TAFA1: variants seen among roughly 807,000 people sequenced by gnomAD.
TAFA1 encodes the protein TAFA chemokine like family member 1, also known as chemokine-like protein TAFA-1.
TAFA1 carries 4 observed loss-of-function variants against 18.5 expected under a neutral mutation model. The observed-to-expected ratio is 0.22, with a 90% confidence interval of 0.11 to 0.49. The LOEUF is 0.49. Ranked by LOEUF, TAFA1 falls within the 20% of genes least tolerant of loss-of-function variation. The probability of loss-of-function intolerance (pLI) is 0.98; values close to 1 mark genes in which losing one functional copy is unlikely to be tolerated. For missense variants in TAFA1, 147 were observed against 169.0 expected, an observed-to-expected ratio of 0.87 and a Z score of 0.72; for synonymous variants, 56 against 55.2, an observed-to-expected ratio of 1.01 and a Z score of -0.06.
intron 4 of TAFA1, among the ~76,000 whole-genome samples, chr3:68,542,937 A>G (rs528210556): frequency 6.6e-6 from 1 of 152,294 alleles, no homozygotes; most frequent in Admixed American, 6.5e-5. Flanking sequence ...GGGATGACTT[A>G]GAGTTCTGTC....
At chr3:68,235,789 T>G (rs2066921334) in intron 2 of TAFA1, among the ~76,000 whole-genome samples, 1 of 152,086 alleles carries the variant, frequency 6.6e-6, no homozygotes, top group South Asian at 2.1e-4. Flanking sequence ...ACTGGCCGAG[T>G]GCAAACCTGG....
upstream of TAFA1, among the ~76,000 whole-genome samples, chr3:67,999,267 TCCC>T (rs66913469): frequency 6.7e-3 from 957 of 143,202 alleles, 10 homozygotes; most frequent in African/African-American, 0.023. Context: ...ATTCTCTCTA[TCCC>T]CCCCCCCCCC....
intron 2 of TAFA1, among the ~76,000 whole-genome samples, chr3:68,234,682 C>T (rs1214044254): frequency 6.6e-6 from 1 of 152,100 alleles, no homozygotes; most frequent in Non-Finnish European, 1.5e-5. Context: ...TCATCACTAC[C>T]CACATTTTCA....
At chr3:68,140,209 G>A (rs974788485) in intron 2 of TAFA1, among the ~76,000 whole-genome samples, 2 of 152,180 alleles carry the variant, frequency 1.3e-5, no homozygotes, top group African/African-American at 4.8e-5. Context: ...AGCACTTGAG[G>A]TTGGTTATCA....
intron 2 of TAFA1, among the ~76,000 whole-genome samples, chr3:68,064,457 C>A (rs1050594448): frequency 4.6e-5 from 7 of 152,138 alleles, no homozygotes; most frequent in Non-Finnish European, 8.8e-5. Flanking sequence ...AAGTGACTGT[C>A]ATATTAAAAT....
At chr3:68,366,552 A>G (rs1022456216) in intron 2 of TAFA1, among the ~76,000 whole-genome samples, 9 of 152,144 alleles carry the variant, frequency 5.9e-5, no homozygotes, top group Non-Finnish European at 1.2e-4. Context: ...GTAAAGAACC[A>G]TGAAGTAGTG....
At chr3:68,491,493 G>A (rs575161890) in intron 3 of TAFA1, among the ~76,000 whole-genome samples, 1 of 132,012 alleles carries the variant, frequency 7.6e-6, no homozygotes, top group South Asian at 2.4e-4. Flanking sequence ...TGAACAATGA[G>A]AACACATGGA....
intron 2 of TAFA1, among the ~76,000 whole-genome samples, chr3:68,212,997 C>G (rs2066614159): frequency 6.6e-6 from 1 of 151,670 alleles, no homozygotes; most frequent in South Asian, 2.1e-4. Flanking sequence ...CTGGGCCCAG[C>G]TAACTTAACT....
chr3:68,272,525 T>C (rs1575735381), intron 2 of TAFA1, among the ~76,000 whole-genome samples: 1 of 152,256 alleles, frequency 6.6e-6, no homozygotes, highest in East Asian at 1.9e-4. Flanking sequence ...AAATGGAACA[T>C]AATGATTCAA....
intron 2 of TAFA1, among the ~76,000 whole-genome samples, chr3:68,330,151 C>T (rs1181340308): frequency 6.6e-6 from 1 of 152,134 alleles, no homozygotes; most frequent in East Asian, 1.9e-4. Flanking sequence ...GTATCATGGG[C>T]AAATGGTCAA....
At chr3:68,166,376 C>T (rs1224121264) in intron 2 of TAFA1, among the ~76,000 whole-genome samples, 3 of 152,122 alleles carry the variant, frequency 2.0e-5, no homozygotes, top group Non-Finnish European at 2.9e-5. Flanking sequence ...GTCAGGCAGT[C>T]TATCATGCAA....
chr3:68,126,055 ACT>A (rs2065461066), intron 2 of TAFA1, among the ~76,000 whole-genome samples: 1 of 151,692 alleles, frequency 6.6e-6, no homozygotes, highest in Non-Finnish European at 1.5e-5. Flanking sequence ...TAATTGTATC[ACT>A]CTCTCTGCTC....
chr3:68,521,005 C>T (rs2073012386), intron 3 of TAFA1, among the ~76,000 whole-genome samples: 1 of 152,106 alleles, frequency 6.6e-6, no homozygotes, highest in Admixed American at 6.5e-5. Flanking sequence ...ACTGAAGCAG[C>T]TTTGACAATA....
chr3:68,036,436 C>CAAAAAAA (rs10566431), intron 2 of TAFA1, among the ~76,000 whole-genome samples: 1 of 98,686 alleles, frequency 1.0e-5, no homozygotes, highest in Non-Finnish European at 2.1e-5. Flanking sequence ...GAGACTCTGT[C>CAAAAAAA]AAAAAAAAAA....
At chr3:67,999,540 A>C (rs1288288403), upstream of TAFA1, among the ~76,000 whole-genome samples, 1 of 152,096 alleles carries the variant, frequency 6.6e-6, no homozygotes, top group African/African-American at 2.4e-5. Flanking sequence ...TTTGACTTTT[A>C]ACATCTGTAG....
chr3:68,333,071 A>C (rs1168503675), intron 2 of TAFA1, among the ~76,000 whole-genome samples: 1 of 152,370 alleles, frequency 6.6e-6, no homozygotes, highest in East Asian at 1.9e-4. Context: ...AAATTAGTTT[A>C]GCCACTGTGG....
At chr3:68,083,487 T>C (rs1219619447) in intron 2 of TAFA1, among the ~76,000 whole-genome samples, 1 of 152,210 alleles carries the variant, frequency 6.6e-6, no homozygotes, top group Non-Finnish European at 1.5e-5. Flanking sequence ...TCTTCCTTAT[T>C]CCAAACTTGG....
intron 2 of TAFA1, among the ~76,000 whole-genome samples, chr3:68,069,604 A>C (rs2064726453): frequency 6.6e-6 from 1 of 152,142 alleles, no homozygotes; most frequent in African/African-American, 2.4e-5. Flanking sequence ...GTCTTAACTT[A>C]TTTCGGCATT....
chr3:68,204,129 T>G (rs1219551701), intron 2 of TAFA1, among the ~76,000 whole-genome samples: 1 of 151,748 alleles, frequency 6.6e-6, no homozygotes, highest in East Asian at 2.0e-4. Context: ...TCTTTCCAAT[T>G]CTGGGGACAG....
Sources: gnomAD v4.1 joint callset for allele counts (sites outside exome capture counted in the v4.1 genomes callset) on GRCh38, gnomAD v4.1.1 for gene constraint, MANE v1.5 for transcripts, NCBI Gene and HGNC (gene_info 2026-07-23, HGNC 2026-07-21) for gene names.